The following TTN variants were observed in gnomAD, a reference collection of about 807,000 sequenced individuals.
TTN encodes connectin.
In TTN, 1,525 loss-of-function variants were observed where a neutral mutation model predicts 3,223.0. The observed-to-expected ratio is 0.47, with a 90% CI of 0.45 to 0.49. TTN has a LOEUF of 0.49. TTN is among the 20% of genes least tolerant of loss of function. The probability of loss-of-function intolerance (pLI) is 0.00; values close to 1 mark genes in which losing one functional copy is unlikely to be tolerated. For synonymous variants in TTN, 14,094 were observed against 15,161.0 expected (o/e 0.93, Z 5.17); for missense variants, 40,786 against 43,424.0 (o/e 0.94, Z 5.40).
rs184043128 is a variant in TTN at position 178,577,973 on chromosome 2, C to T, written c.68527+15G>A. ...TAAAACATGCACCTGGGTTTTTCTT[C>T]ATATAATGACTTACCAATTGGGTCC... On this transcript the variant is annotated intron_variant, in intron 322 of 362. Transcript: ENST00000589042. 1.2e-4 allele frequency: 188 copies of T among 1,600,240 alleles called. No individual in the cohort carries two copies. The East Asian group carries it at 3.5e-3, about 30-fold the overall frequency.
At position 178,559,633 on chromosome 2, in the gene TTN, A is replaced by C; in HGVS notation, c.86499T>G (p.Ala28833=). The C allele has an allele frequency of 6.2e-7, 1 of 1,613,834 alleles. No individual in the cohort carries two copies. Among genetic ancestry groups the C allele is most frequent in the South Asian group, 1.1e-5 (1 of 91,066 alleles). ...CTTTGACAACTAAGGTCAGTGAAGC[A>C]GCACTCAAAACATTCTGAATTGTTA... is the stretch of plus-strand genomic sequence containing the variant. ...YTLTIQNVLS[A]ASLTLVVKVL... The change falls in exon 326 of 363, where the codon GCT becomes GCG. Residue 28833 remains alanine, a synonymous_variant. Coordinates refer to ENST00000589042, the MANE Select transcript of TTN (RefSeq NM_001267550.2).
chr2:178,735,488 A>G (rs775661960), intron 50 of TTN, 23 bp downstream of exon 50: 1 of 1,531,012 alleles, frequency 6.5e-7, no homozygotes, highest in Admixed American at 2.2e-5. Context: ...AGGGACTAGA[A>G]AATACATTCA....
At position 178,540,057 on chromosome 2, in the gene TTN, A is replaced by T. The variant is rs587780984; in HGVS notation, c.98098+11T>A. 76 of 1,596,072 alleles carry T rather than the reference A, an allele frequency of 4.8e-5. No individual in the cohort carries two copies. The highest frequency in any genetic ancestry group is 6.1e-5 in the Non-Finnish European group (71 of 1,169,634). The stretch of plus-strand genomic sequence containing the variant: ...CAATTATTGCAGAAAGCAAATGATC[A>T]TATGTCTCACCAAGCATTTCAGTGA... On this transcript the variant is annotated intron_variant, in intron 351 of 362. Transcript: ENST00000589042.
Position 178,786,147 on chromosome 2 carries a change from G to C in TTN, c.2077-6C>G. 6.2e-7 allele frequency: 1 copy of C among 1,613,470 alleles called. No individual in the cohort carries two copies. The highest frequency in any genetic ancestry group is 8.5e-7 in the Non-Finnish European group (1 of 1,179,866). On this transcript the variant is annotated splice_region_variant and splice_polypyrimidine_tract_variant and intron_variant, in intron 13 of 362. Coordinates refer to ENST00000589042, the MANE Select transcript of TTN (RefSeq NM_001267550.2). ...GCCTTTTTTCCAACGTCCACCTGGA[G>C]ACAAGGTTTCCAGAATTAATACATA...
Position 178,777,038 on chromosome 2 carries a change from G to T in TTN, c.4826C>A (p.Thr1609Asn). The T allele has an allele frequency of 6.2e-7, 1 of 1,613,984 alleles. No homozygotes were observed. Among genetic ancestry groups the T allele is most frequent in the Non-Finnish European group, 8.5e-7 (1 of 1,179,976 alleles). ...GATTTTAAGGGCAGCTTCTCCCTTG[G>T]TTCCTTCAATTCTATAAAAAGTTGG... ...HKYPKIRIEG[T>N]KGEAALKIDS... is the part of the protein sequence containing the mutation. Residue 1609 changes from threonine (T) to asparagine (N), a missense_variant, in exon 28 of 363, where the codon ACC becomes AAC. Physicochemically the swap from Thr to Asn is moderately conservative, Grantham distance 65. Transcript: ENST00000589042.
chr2:178,630,773 T>G, intron 238 of TTN, 31 bp downstream of exon 238: 1 of 1,596,040 alleles, frequency 6.3e-7, no homozygotes, highest in Non-Finnish European at 8.5e-7. Flanking sequence ...ACAGCTCCTT[T>G]AGGTGTTGAC....
chr2:178,635,298 T>G lies in TTN; in HGVS notation c.41891A>C (p.Glu13964Ala). ...CTCTATTGGTTTAAGCAGTTCAACT[T>G]CACGCTCTGTATTGGTCAGGGATGA... is the stretch of plus-strand genomic sequence containing the variant. Reference protein sequence around the residue: ...YPAKLTLGEREVELLKPIEDV... With the variant: ...YPAKLTLGERAVELLKPIEDV... The change falls in exon 228 of 363, where the codon GAA becomes GCA. Residue 13964 changes from glutamate (E) to alanine (A), a missense_variant. Coordinates refer to ENST00000589042, the MANE Select transcript of TTN (RefSeq NM_001267550.2). 1.2e-6 allele frequency: 2 copies of G among 1,613,150 alleles called. No individual in the cohort carries two copies. The highest frequency in any genetic ancestry group is 1.7e-6 in the Non-Finnish European group (2 of 1,179,476).
At chr2:178,673,759 G>C in intron 151 of TTN, 49 bp from the exon 152 acceptor site, 2 of 1,310,702 alleles carry the variant, frequency 1.5e-6, no homozygotes, top group Middle Eastern at 1.8e-4. Flanking sequence ...GTGATGAGCA[G>C]AACACCACCC....
intron 6 of TTN, among the ~76,000 whole-genome samples, chr2:178,797,562 A>G (rs969797362): frequency 1.4e-4 from 22 of 151,900 alleles, no homozygotes; most frequent in Admixed American, 1.3e-4. Flanking sequence ...ATTTCTTTTA[A>G]TCCATTTCAA....
In TTN at chr2:178,719,843, A is replaced by G; in HGVS notation, c.23660-11T>C. The G allele has an allele frequency of 6.3e-7, 1 of 1,596,934 alleles. No individual in the cohort carries two copies. Among genetic ancestry groups the G allele is most frequent in the Non-Finnish European group, 8.5e-7 (1 of 1,170,540 alleles). On this transcript the variant is annotated splice_polypyrimidine_tract_variant and intron_variant, in intron 81 of 362. Coordinates refer to ENST00000589042, the MANE Select transcript of TTN (RefSeq NM_001267550.2). ...TGATTCTTGCTGGTTCTAAAAGAAGAAGTATTTTGCATTGAAAACAAAGTA... is the reference window on the plus strand; with the variant it reads ...TGATTCTTGCTGGTTCTAAAAGAAGGAGTATTTTGCATTGAAAACAAAGTA...
At position 178,531,812 on chromosome 2, in the gene TTN, G is replaced by A; in HGVS notation, c.104803C>T (p.Pro34935Ser). ...ERKYEVLSQQ[P>S]FTLDHAPRIT... is the part of the protein sequence containing the mutation. ...CGAGGGGCATGGTCCAGTGTGAAAGGCTGCTGACTCAAAACTTCATACTTC... is the reference window on the plus strand; with the variant it reads ...CGAGGGGCATGGTCCAGTGTGAAAGACTGCTGACTCAAAACTTCATACTTC... Residue 34935 changes from proline (P) to serine (S), a missense_variant, in exon 358 of 363, where the codon CCT (proline) becomes TCT (serine). Physicochemically the swap from Pro to Ser is moderately conservative, Grantham distance 74. Transcript: ENST00000589042. 4 of 1,613,980 alleles carry A rather than the reference G, an allele frequency of 2.5e-6. No individual in the cohort carries two copies. Among genetic ancestry groups the A allele is most frequent in the Non-Finnish European group, 3.4e-6 (4 of 1,179,878 alleles).
rs909346656 is a variant in TTN, at chr2:178,550,206, A to C, written c.91632T>G (p.Leu30544=). The C allele has an allele frequency of 1.9e-6, 3 of 1,613,570 alleles. No individual in the cohort carries two copies. The African/African-American group carries it at 4.0e-5, about 22-fold the overall frequency. ...TTCCTTGTACCAAAGCTTTAATTCT[A>C]AGGCTCTCTCCGGACTTAATAATGA... The part of the protein sequence containing the change: ...DGLIIKSGES[L]RIKALVQGRP... Residue 30544 remains leucine (L), a synonymous_variant, in exon 337 of 363, where the codon CTT becomes CTG. Transcript: ENST00000589042.
At chr2:178,794,841 A>G (rs760138518) in intron 7 of TTN, 81 bp downstream of exon 7, 4 of 1,552,964 alleles carry the variant, frequency 2.6e-6, no homozygotes, top group Non-Finnish European at 3.5e-6. Context: ...TCCAATTTAT[A>G]CAGACTGAGT....
chr2:178,568,479 T>C lies in TTN; in HGVS notation c.77653A>G (p.Ile25885Val). 6.2e-7 allele frequency: 1 copy of C among 1,613,402 alleles called. No homozygotes were observed. Among genetic ancestry groups the C allele is most frequent in the Non-Finnish European group, 8.5e-7 (1 of 1,179,584 alleles). ...VVGQKTASIE[I>V]VTLDKPDPPK... is the part of the protein sequence containing the mutation. The stretch of plus-strand genomic sequence containing the variant: ...GGATCAGGTTTATCTAGAGTTACAA[T>C]TTCGATGGATGCTGTCTTCTGACCA... The change falls in exon 326 of 363, where the codon ATT becomes GTT. Residue 25885 changes from isoleucine to valine, a missense_variant. Coordinates refer to ENST00000589042, the MANE Select transcript of TTN (RefSeq NM_001267550.2).
At position 178,717,160 on chromosome 2, in the gene TTN, T is replaced by A; in HGVS notation, c.25574A>T (p.Gln8525Leu). ...VLKVGKGDAGQYTCYASNIAG... is the reference protein window; with the variant it reads ...VLKVGKGDAGLYTCYASNIAG... Reference sequence around the variant, plus strand: ...GATGTTGCTTGCATAGCAGGTGTACTGCCCGGCATCGCCTTTGCCTACTTT... The same window carrying A: ...GATGTTGCTTGCATAGCAGGTGTACAGCCCGGCATCGCCTTTGCCTACTTT... Residue 8525 changes from glutamine (Q) to leucine (L), a missense_variant, in exon 88 of 363, where the codon CAG (glutamine) becomes CTG (leucine). Physicochemically the swap from Gln to Leu is moderately radical, Grantham distance 113. Coordinates refer to ENST00000589042, the MANE Select transcript of TTN (RefSeq NM_001267550.2). 3 of 1,613,632 alleles carry A rather than the reference T, an allele frequency of 1.9e-6. No individual in the cohort carries two copies. The highest frequency in any genetic ancestry group is 2.5e-6 in the Non-Finnish European group (3 of 1,179,642).
chr2:178,795,672 G>C lies in TTN; in HGVS notation c.915-420C>G, dbSNP rs189193313. Among the ~76,000 whole-genome samples the C allele has an allele frequency of 9.1e-4, 138 of 152,270 alleles. 1 individual carries two copies. The highest frequency in any genetic ancestry group is 1.4e-3 in the Non-Finnish European group (92 of 68,014). Reference sequence around the variant, plus strand: ...GTCAAATAGGTGTTATAAGAAGAAAGGTTTCTGTAATCAAAATGCTTGTGC... The same window carrying C: ...GTCAAATAGGTGTTATAAGAAGAAACGTTTCTGTAATCAAAATGCTTGTGC... On this transcript the variant is annotated intron_variant, in intron 6 of 362. Coordinates refer to ENST00000589042, the MANE Select transcript of TTN (RefSeq NM_001267550.2).
chr2:178,613,097 T>G (rs753127421), intron 264 of TTN, 25 bp from the exon 265 acceptor site: 2 of 1,611,812 alleles, frequency 1.2e-6, no homozygotes, highest in East Asian at 4.5e-5. Context: ...AATCATTGTT[T>G]AGGTTTGTCA....
At position 178,692,085 on chromosome 2, in the gene TTN, T is replaced by G. The variant is rs1560424897; in HGVS notation, c.31693A>C (p.Lys10565Gln). Reference sequence around the variant, plus strand: ...TTTTTCTCCTCTGGCACGGGTTTCTTGGGAACCTCAGGAACTTTAAAGATA... The same window carrying G: ...TTTTTCTCCTCTGGCACGGGTTTCTGGGGAACCTCAGGAACTTTAAAGATA... ...PPAPKVPEVP[K>Q]KPVPEEKKPV... is the part of the protein sequence containing the mutation. Residue 10565 changes from lysine to glutamine, a missense_variant, in exon 121 of 363, where the codon AAG becomes CAG. Transcript: ENST00000589042. 6.2e-7 allele frequency: 1 copy of G among 1,612,714 alleles called. No individual in the cohort carries two copies. The highest frequency in any genetic ancestry group is 8.5e-7 in the Non-Finnish European group (1 of 1,178,990).
In TTN at chr2:178,776,791, T is replaced by A. The variant is rs770902874; in HGVS notation, c.5073A>T (p.Glu1691Asp). 65 of 1,614,052 alleles carry A rather than the reference T, an allele frequency of 4.0e-5. No individual in the cohort carries two copies. The highest frequency in any genetic ancestry group is 4.8e-5 in the Non-Finnish European group (57 of 1,180,020). ...GTTTCTCTTTGTCATAGAGATCACC[T>A]TCTTCCCATTGCTCTTGGCCATATC... The part of the protein sequence containing the change: ...HLRYGQEQWE[E>D]GDLYDKEKQQ... Residue 1691 changes from glutamate to aspartate, a missense_variant, in exon 28 of 363, where the codon GAA (glutamate) becomes GAT (aspartate). Coordinates refer to ENST00000589042, the MANE Select transcript of TTN (RefSeq NM_001267550.2).
Sources: gnomAD v4.1 joint callset for allele counts (sites outside exome capture counted in the v4.1 genomes callset) on GRCh38, gnomAD v4.1.1 for gene constraint, MANE v1.5 for transcripts, NCBI Gene and HGNC (gene_info 2026-07-23, HGNC 2026-07-21) for gene names.